The following SMC3 variants were observed in gnomAD, a reference collection of about 807,000 sequenced individuals.
SMC3 encodes structural maintenance of chromosomes protein 3.
SMC3 carries 20 observed loss-of-function variants against 171.8 expected under a neutral mutation model. The observed-to-expected ratio is 0.12, with a 90% CI of 0.08 to 0.17. SMC3 has a LOEUF of 0.17. Among genes scored for constraint, SMC3 ranks in the 10% least tolerant of loss-of-function variants. The pLI is 1.00. For missense variants in SMC3, 543 were observed against 1,420.4 expected (o/e 0.38, Z 9.93); for synonymous variants, 464 against 451.1 (o/e 1.03, Z -0.36).
chr10:110,595,188 C>G (rs1243441894), intron 18 of SMC3, among the ~76,000 whole-genome samples: 3 of 152,044 alleles, frequency 2.0e-5, no homozygotes, highest in African/African-American at 7.2e-5. Flanking sequence ...CTATGTTGGT[C>G]AGGCTGGTCT....
At chr10:110,593,756 G>C (rs1590564106) in intron 18 of SMC3, among the ~76,000 whole-genome samples, 1 of 152,096 alleles carries the variant, frequency 6.6e-6, no homozygotes, top group Non-Finnish European at 1.5e-5. Context: ...GGGAGGCTGA[G>C]GCAGGTGGAT....
rs760234937 is a variant in SMC3, at chr10:110,589,681, A to G, written c.1382A>G (p.Lys461Arg). ...LDRKYYEVKN[K>R]KDELQSERNY... The stretch of plus-strand genomic sequence containing the variant: ...AGAAAATATTACGAAGTAAAAAATA[A>G]GAAAGATGAACTACAAAGTGAAAGA... Residue 461 changes from lysine to arginine, a missense_variant, in exon 14 of 29, where the codon AAG becomes AGG. Around this residue, in one of 8 missense-constraint regions of SMC3, gnomAD observed 218 missense variants for 509.6 expected, o/e 0.43. Coordinates refer to ENST00000361804, the MANE Select transcript of SMC3 (RefSeq NM_005445.4). 1.2e-6 allele frequency: 2 copies of G among 1,606,682 alleles called. No homozygotes were observed. The highest frequency in any genetic ancestry group is 1.7e-6 in the Non-Finnish European group (2 of 1,173,876).
In SMC3 at chr10:110,577,302, C is replaced by A. The variant is rs1860967068; in HGVS notation, c.199-119C>A. 3 of 744,954 alleles carry A rather than the reference C, an allele frequency of 4.0e-6. No homozygotes were observed. In the East Asian group the frequency reaches 7.8e-5, roughly 19 times the overall value. The allele number at this position is 744,954 out of a possible 1,614,324, so 46.1% of individuals were successfully genotyped here. On this transcript the variant is annotated intron_variant, in intron 4 of 28. Coordinates refer to ENST00000361804, the MANE Select transcript of SMC3 (RefSeq NM_005445.4). ...TTAGTGTGTGTGTGTATATATGAAT[C>A]TAGCAGAAATTTTTCTCCATTGAAT...
At position 110,604,822 on chromosome 10, in the gene SMC3, G is replaced by T. The variant is rs1861444636; in HGVS notation, c.*520G>T. Among the ~76,000 whole-genome samples the T allele has an allele frequency of 1.3e-5, 2 of 152,236 alleles. No individual in the cohort carries two copies. Among genetic ancestry groups the T allele is most frequent in the South Asian group, 4.1e-4 (2 of 4,828 alleles). ...GTTTGGGAAGGGAAGCACAAAATCA[G>T]CCCCTACCATGGTATATTTATCATT... On this transcript the variant is annotated 3_prime_UTR_variant, in exon 29 of 29. Transcript: ENST00000361804.
Position 110,601,191 on chromosome 10 carries a change from G to A in SMC3, c.2644+61G>A, listed in dbSNP as rs1246722235. 2.6e-6 allele frequency: 3 copies of A among 1,174,286 alleles called. No individual in the cohort carries two copies. In the African/African-American group the frequency reaches 4.5e-5, roughly 18 times the overall value. The allele number at this position is 1,174,286 out of a possible 1,614,324, so 72.7% of individuals were successfully genotyped here. On this transcript the variant is annotated intron_variant, in intron 23 of 28. Coordinates refer to ENST00000361804, the MANE Select transcript of SMC3 (RefSeq NM_005445.4). ...ATGTTTTATAAAATTGTTTACTACA[G>A]AATGAAATGTCCAAATAGGCAGAAG...
At chr10:110,588,837 A>AC (rs1375082817) in intron 13 of SMC3, among the ~76,000 whole-genome samples, 1 of 151,900 alleles carries the variant, frequency 6.6e-6, no homozygotes, top group Non-Finnish European at 1.5e-5. Flanking sequence ...TTTTTAACTC[A>AC]TTTTTCTTGA....
chr10:110,596,560 T>A lies in SMC3; in HGVS notation c.2116+10T>A, dbSNP rs1406874687. 3.1e-6 allele frequency: 5 copies of A among 1,613,454 alleles called. No homozygotes were observed. The South Asian group carries it at 5.5e-5, about 18-fold the overall frequency. ...CGCAGAAATATTGAAAATATCTTTT[T>A]GTTTTGTGCATAGTGATAGATATTG... On this transcript the variant is annotated intron_variant, in intron 19 of 28. Coordinates refer to ENST00000361804, the MANE Select transcript of SMC3 (RefSeq NM_005445.4).
At position 110,605,594 on chromosome 10, in the gene SMC3, G is replaced by A. The variant is rs1861456121; in HGVS notation, c.*1292G>A. ...ATTTAAAAATGTGAGTTTACTTTGG[G>A]TTTTCATTTTGACTGGCTGAATCTT... On this transcript the variant is annotated 3_prime_UTR_variant, in exon 29 of 29. Transcript: ENST00000361804. Among the ~76,000 whole-genome samples the A allele has an allele frequency of 6.6e-6, 1 of 152,012 alleles. No homozygotes were observed. Among genetic ancestry groups the A allele is most frequent in the Admixed American group, 6.6e-5 (1 of 15,266 alleles).
intron 2 of SMC3, among the ~76,000 whole-genome samples, chr10:110,569,505 G>C (rs1367931886): frequency 6.6e-6 from 1 of 152,118 alleles, no homozygotes; most frequent in Non-Finnish European, 1.5e-5. Context: ...CTGGGGGAGG[G>C]ATAGCATTAG....
At chr10:110,574,294 C>CAAA (rs1404569778) in intron 3 of SMC3, among the ~76,000 whole-genome samples, 1 of 152,176 alleles carries the variant, frequency 6.6e-6, no homozygotes, top group Non-Finnish European at 1.5e-5. Context: ...AATAGAGCTT[C>CAAA]AAAAATTCTC....
intron 1 of SMC3, 144 bp downstream of exon 1, chr10:110,567,975 G>A: frequency 9.7e-7 from 1 of 1,031,982 alleles, no homozygotes; most frequent in South Asian, 1.4e-5. Context: ...GGAGGAGGGA[G>A]ACCCGGGTCC....
intron 15 of SMC3, 97 bp from the exon 16 acceptor site, chr10:110,590,315 G>C (rs1861185976): frequency 9.7e-7 from 1 of 1,025,902 alleles, no homozygotes; most frequent in Non-Finnish European, 1.5e-6. Flanking sequence ...TTAATCACTG[G>C]TATATTTTTA....
rs1861457897 is a variant in SMC3 at position 110,605,680 on chromosome 10, A to G, written c.*1378A>G. Among the ~76,000 whole-genome samples the G allele has an allele frequency of 6.6e-6, 1 of 152,238 alleles. No individual in the cohort carries two copies. The highest frequency in any genetic ancestry group is 1.5e-5 in the Non-Finnish European group (1 of 68,032). ...TGCTATAACATAACTGATCTATAAT[A>G]GAGAATTTGGTATATGTTCTATCTA... On this transcript the variant is annotated 3_prime_UTR_variant, in exon 29 of 29. Transcript: ENST00000361804.
chr10:110,569,707 AGAT>A (rs1384516047), intron 2 of SMC3, among the ~76,000 whole-genome samples: 2 of 152,174 alleles, frequency 1.3e-5, no homozygotes, highest in Non-Finnish European at 2.9e-5. Context: ...TGTAAAGTGG[AGAT>A]GATACCTGTC....
rs1454205948 is a variant in SMC3 at position 110,597,160 on chromosome 10, G to T, written c.2116+610G>T. On this transcript the variant is annotated intron_variant, in intron 19 of 28. Coordinates refer to ENST00000361804, the MANE Select transcript of SMC3 (RefSeq NM_005445.4). ...CCCTGTCTCAAAAAAAAAAAAAAAG[G>T]TGACAGGGGAGGGTGAAAAATGTTA... 2.0e-5 allele frequency among the ~76,000 whole-genome samples: 3 copies of T among 148,228 alleles called. No homozygotes were observed. In the East Asian group the frequency reaches 6.0e-4, roughly 29 times the overall value.
At chr10:110,590,127 G>A in intron 15 of SMC3, 136 bp downstream of exon 15, 1 of 743,226 alleles carries the variant, frequency 1.3e-6, no homozygotes, top group Non-Finnish European at 2.3e-6. Context: ...TTCTAAATAT[G>A]AAATGATAGA....
rs80087872 is a variant in SMC3, at chr10:110,596,795, G to A, written c.2116+245G>A. 0.043 allele frequency among the ~76,000 whole-genome samples: 6,536 copies of A among 151,290 alleles called. 177 individuals are homozygous for A. Among genetic ancestry groups the A allele is most frequent in the Non-Finnish European group, 0.065 (4,421 of 67,914 alleles). On this transcript the variant is annotated intron_variant, in intron 19 of 28. Transcript: ENST00000361804. ...CCCATAGAACACAAAAATAAAGGTTGTATCAGGCAAAGAAAGAGGAAACTG... is the reference window on the plus strand; with the variant it reads ...CCCATAGAACACAAAAATAAAGGTTATATCAGGCAAAGAAAGAGGAAACTG...
At chr10:110,569,051 T>C (rs1482720106) in intron 2 of SMC3, 38 bp downstream of exon 2, 1 of 1,239,754 alleles carries the variant, frequency 8.1e-7, no homozygotes, top group Non-Finnish European at 1.2e-6. Flanking sequence ...ATTTATAGTC[T>C]ATACAGATAA....
intron 9 of SMC3, among the ~76,000 whole-genome samples, 186 bp downstream of exon 9, chr10:110,582,284 G>A (rs1266245189): frequency 6.6e-6 from 1 of 152,096 alleles, no homozygotes; most frequent in Non-Finnish European, 1.5e-5. Flanking sequence ...TTGCTATATA[G>A]TATTATCTGA....
Sources: gnomAD v4.1 joint callset for allele counts (sites outside exome capture counted in the v4.1 genomes callset) on GRCh38, gnomAD v4.1.1 for gene constraint, gnomAD v4.1.1 regional missense constraint, MANE v1.5 for transcripts, NCBI Gene and HGNC (gene_info 2026-07-23, HGNC 2026-07-21) for gene names.